SERPINB8: variants seen among roughly 807,000 people sequenced by gnomAD.
SERPINB8 encodes serpin B8.
A neutral mutation model predicts 35.3 loss-of-function variants in SERPINB8; 25 were observed. The observed-to-expected ratio is 0.71, with a 90% CI of 0.52 to 0.99. SERPINB8 has a LOEUF of 0.99. Among genes scored for constraint, SERPINB8 ranks in the 50% least tolerant of loss-of-function variants. The probability of loss-of-function intolerance (pLI) is 0.00; values close to 1 mark genes in which losing one functional copy is unlikely to be tolerated. For synonymous variants in SERPINB8, 186 were observed against 160.8 expected (o/e 1.16, Z -1.19); for missense variants, 484 against 446.5 (o/e 1.08, Z -0.76).
intron 7 of SERPINB8, among the ~76,000 whole-genome samples, chr18:64,011,937 A>G (rs924023790): frequency 1.9e-4 from 29 of 152,290 alleles, no homozygotes; most frequent in African/African-American, 7.0e-4. Context: ...GAAGCTTGGA[A>G]GAAAATCTGA....
chr18:63,990,202 A>G (rs1436518664), downstream of SERPINB8, among the ~76,000 whole-genome samples: 1 of 150,766 alleles, frequency 6.6e-6, no homozygotes, highest in Non-Finnish European at 1.5e-5. Flanking sequence ...CAGACCCCTG[A>G]GTAGCTGGGA....
rs147258588 is a variant in SERPINB8, at chr18:63,987,451, C to T, written c.*173C>T. The T allele has an allele frequency of 1.2e-3, 848 of 693,582 alleles. 5 individuals are homozygous for T. In the African/African-American group the frequency reaches 0.013, roughly 11 times the overall value. The allele number at this position is 693,582 out of a possible 1,614,324, so 43.0% of individuals were successfully genotyped here. On this transcript the variant is annotated 3_prime_UTR_variant, in exon 7 of 7. Coordinates refer to ENST00000397985, the MANE Select transcript of SERPINB8 (RefSeq NM_002640.4). ...CAGAGCCATTGAGAATAACTGAGGCCGCAGATGCATGAAATTTGGGCCTGG... is the reference window on the plus strand; with the variant it reads ...CAGAGCCATTGAGAATAACTGAGGCTGCAGATGCATGAAATTTGGGCCTGG...
intron 1 of SERPINB8, among the ~76,000 whole-genome samples, chr18:63,973,169 T>G (rs1294109428): frequency 1.3e-5 from 2 of 152,252 alleles, no homozygotes; most frequent in African/African-American, 4.8e-5. Context: ...CCTGACTTTT[T>G]AATGATCACC....
chr18:63,972,130 T>A (rs2050494074), intron 1 of SERPINB8, among the ~76,000 whole-genome samples: 1 of 152,192 alleles, frequency 6.6e-6, no homozygotes, highest in Admixed American at 6.5e-5. Context: ...ACTGGAATAT[T>A]GTCATCGCTG....
At chr18:63,971,181 G>A (rs1367086378) in intron 1 of SERPINB8, among the ~76,000 whole-genome samples, 2 of 151,998 alleles carry the variant, frequency 1.3e-5, no homozygotes, top group Non-Finnish European at 2.9e-5. Flanking sequence ...CTCTCCCCTC[G>A]CCCTCCTCTG....
intron 1 of SERPINB8, among the ~76,000 whole-genome samples, chr18:63,999,687 C>A (rs1461403119): frequency 2.0e-5 from 3 of 152,290 alleles, no homozygotes; most frequent in South Asian, 2.1e-4. Context: ...AAACACCAGG[C>A]CTTTACCTTC....
intron 1 of SERPINB8, among the ~76,000 whole-genome samples, chr18:63,997,852 C>T (rs2050857443): frequency 6.6e-6 from 1 of 152,152 alleles, no homozygotes; most frequent in Non-Finnish European, 1.5e-5. Context: ...CAGAGAGCTC[C>T]CTATGCTGAC....
In SERPINB8 at chr18:63,978,390, G is replaced by A. The variant is rs758705957; in HGVS notation, c.82G>A (p.Val28Ile). Residue 28 changes from valine to isoleucine, a missense_variant, in exon 2 of 7, where the codon GTA becomes ATA. Coordinates refer to ENST00000397985, the MANE Select transcript of SERPINB8 (RefSeq NM_002640.4). ...ILGEEDNSRN[V>I]FFSPMSISSA... Reference sequence around the variant, plus strand: ...GGGGGAAGAGGACAACTCAAGAAACGTATTCTTCTCTCCCATGAGCATCTC... The same window carrying A: ...GGGGGAAGAGGACAACTCAAGAAACATATTCTTCTCTCCCATGAGCATCTC... The A allele has an allele frequency of 2.5e-5, 41 of 1,614,070 alleles. No individual in the cohort carries two copies. The highest frequency in any genetic ancestry group is 1.6e-4 in the South Asian group (15 of 91,084).
intron 6 of SERPINB8, 94 bp downstream of exon 6, chr18:63,985,339 G>A: frequency 7.7e-6 from 11 of 1,428,566 alleles, no homozygotes; most frequent in Non-Finnish European, 1.0e-5. Flanking sequence ...GGAGTTTCCA[G>A]TTGGGGTTAT....
At chr18:63,993,392 G>A (rs149840981), downstream of SERPINB8, among the ~76,000 whole-genome samples, 29 of 152,074 alleles carry the variant, frequency 1.9e-4, no homozygotes, top group Non-Finnish European at 3.2e-4. Flanking sequence ...ACTTCTAATT[G>A]AATCTCACCA....
At chr18:63,973,738 T>C (rs2050531996) in intron 1 of SERPINB8, among the ~76,000 whole-genome samples, 1 of 152,232 alleles carries the variant, frequency 6.6e-6, no homozygotes, top group Non-Finnish European at 1.5e-5. Flanking sequence ...ATTTATTAAA[T>C]AGGGAATCCG....
intron 1 of SERPINB8, among the ~76,000 whole-genome samples, chr18:63,997,786 G>A (rs765577268): frequency 7.9e-5 from 12 of 152,112 alleles, no homozygotes; most frequent in Admixed American, 2.0e-4. Context: ...TGAGACATTC[G>A]GATAAAATTC....
chr18:64,017,559 A>T (rs552990997), intron 7 of SERPINB8, among the ~76,000 whole-genome samples: 1 of 152,298 alleles, frequency 6.6e-6, no homozygotes, highest in Non-Finnish European at 1.5e-5. Flanking sequence ...TACATGAACT[A>T]GTTGAATCTT....
At chr18:64,007,045 A>G (rs907306435), downstream of SERPINB8, among the ~76,000 whole-genome samples, 22 of 152,148 alleles carry the variant, frequency 1.4e-4, no homozygotes, top group African/African-American at 5.3e-4. Flanking sequence ...TGAAAACTTG[A>G]TTCTTTGAAA....
At chr18:63,995,007 A>ACATTCC (rs2050842297) in intron 1 of SERPINB8, among the ~76,000 whole-genome samples, 1 of 152,176 alleles carries the variant, frequency 6.6e-6, no homozygotes, top group South Asian at 2.1e-4. Context: ...CTAGGCAATG[A>ACATTCC]CATTCCCAAA....
chr18:64,013,266 G>A (rs2050934250), intron 7 of SERPINB8, among the ~76,000 whole-genome samples: 1 of 151,904 alleles, frequency 6.6e-6, no homozygotes, highest in Non-Finnish European at 1.5e-5. Flanking sequence ...TCTTCTTTAT[G>A]TGTACTGAGC....
intron 7 of SERPINB8, among the ~76,000 whole-genome samples, chr18:64,017,095 C>G (rs1459067949): frequency 6.6e-6 from 1 of 152,114 alleles, no homozygotes; most frequent in African/African-American, 2.4e-5. Flanking sequence ...CTAGACTGTC[C>G]CTTCCTGAAC....
chr18:64,012,573 G>A (rs949786870), intron 7 of SERPINB8, among the ~76,000 whole-genome samples: 24 of 92,960 alleles, frequency 2.6e-4, no homozygotes, highest in African/African-American at 9.2e-4. Flanking sequence ...GTGTATGTAT[G>A]TGTGTGTGTG....
In SERPINB8 at chr18:63,976,349, T is replaced by TA. The variant is rs1191710125; in HGVS notation, c.-10-1948dup. 4.6e-5 allele frequency among the ~76,000 whole-genome samples: 7 copies of TA among 152,306 alleles called. No individual in the cohort carries two copies. The East Asian group carries it at 1.3e-3, about 29-fold the overall frequency. ...GATATAAACAACAATGTAGGACTTATAATAATGCACTAAAATTATAATAAT... is the reference window on the plus strand; with the variant it reads ...GATATAAACAACAATGTAGGACTTATAAATAATGCACTAAAATTATAATAAT... On this transcript the variant is annotated intron_variant, in intron 1 of 6. Transcript: ENST00000397985.
Sources: allele counts gnomAD v4.1 joint callset (sites outside exome capture counted in the v4.1 genomes callset), GRCh38; gene constraint gnomAD v4.1.1; transcripts MANE v1.5; gene names NCBI Gene and HGNC (gene_info 2026-07-23, HGNC 2026-07-21).